The following UNC5C variants were observed in gnomAD, a reference collection of about 807,000 sequenced individuals.
UNC5C encodes the protein unc-5 netrin receptor C, also known as netrin receptor UNC5C.
UNC5C carries 47 observed loss-of-function variants against 99.8 expected under a neutral mutation model. The observed-to-expected ratio is 0.47, with a 90% confidence interval of 0.37 to 0.60. The LOEUF is 0.60. Among genes scored for constraint, UNC5C ranks in the 20% least tolerant of loss-of-function variants. The probability of loss-of-function intolerance (pLI) is 0.00; values close to 1 mark genes in which losing one functional copy is unlikely to be tolerated. For synonymous variants in UNC5C, 487 were observed against 452.2 expected (o/e 1.08, Z -0.98); for missense variants, 1,062 against 1,165.9 (o/e 0.91, Z 1.30).
At chr4:95,330,374 G>C (rs569547663) in intron 2 of UNC5C, among the ~76,000 whole-genome samples, 86 of 151,950 alleles carry the variant, frequency 5.7e-4, no homozygotes, top group Non-Finnish European at 1.8e-4. Flanking sequence ...TTCCATTCAA[G>C]AATATGTCTT....
chr4:95,497,731 A>ATATAAT (rs1721667049), intron 1 of UNC5C, among the ~76,000 whole-genome samples: 1 of 152,040 alleles, frequency 6.6e-6, no homozygotes, highest in East Asian at 1.9e-4. Context: ...TTTTTGAGCA[A>ATATAAT]TATAATTATA....
chr4:95,172,397 A>G (rs1449509818), intron 14 of UNC5C, among the ~76,000 whole-genome samples: 2 of 151,540 alleles, frequency 1.3e-5, no homozygotes, highest in Non-Finnish European at 2.9e-5. Context: ...TCTTTAATCC[A>G]TCTCGAATTG....
At chr4:95,480,298 T>C (rs1721098846) in intron 1 of UNC5C, among the ~76,000 whole-genome samples, 1 of 151,958 alleles carries the variant, frequency 6.6e-6, no homozygotes, top group Non-Finnish European at 1.5e-5. Context: ...TGTGTATATA[T>C]AGATAGCCTA....
At chr4:95,387,033 A>T (rs1309177361) in intron 1 of UNC5C, among the ~76,000 whole-genome samples, 1 of 152,070 alleles carries the variant, frequency 6.6e-6, no homozygotes, top group South Asian at 2.1e-4. Flanking sequence ...AAGAAAAAAT[A>T]TCCATTCTAA....
At chr4:95,393,319 A>C (rs1745413800) in intron 1 of UNC5C, among the ~76,000 whole-genome samples, 1 of 152,166 alleles carries the variant, frequency 6.6e-6, no homozygotes, top group Admixed American at 6.5e-5. Context: ...AGTAATTTGA[A>C]TTTTCCAAGA....
chr4:95,543,119 C>T (rs1319095007), intron 1 of UNC5C, among the ~76,000 whole-genome samples: 1 of 151,992 alleles, frequency 6.6e-6, no homozygotes, highest in East Asian at 1.9e-4. Context: ...TCATGTAGCC[C>T]TCCTCCACAA....
intron 1 of UNC5C, among the ~76,000 whole-genome samples, chr4:95,450,376 C>T (rs931049978): frequency 2.0e-5 from 3 of 152,194 alleles, no homozygotes; most frequent in Non-Finnish European, 4.4e-5. Context: ...CATGCCAGCA[C>T]ACCAGGCTAA....
At chr4:95,261,925 G>T (rs761867215) in intron 4 of UNC5C, among the ~76,000 whole-genome samples, 4 of 152,058 alleles carry the variant, frequency 2.6e-5, no homozygotes, top group Admixed American at 6.6e-5. Context: ...GGATGGTCTC[G>T]ATTGCCTGAC....
intron 1 of UNC5C, among the ~76,000 whole-genome samples, chr4:95,462,045 T>G (rs1747618581): frequency 6.6e-6 from 1 of 152,218 alleles, no homozygotes; most frequent in Non-Finnish European, 1.5e-5. Context: ...CCTTGGGTTT[T>G]TTTTTAGGTG....
rs757235410 is a variant in UNC5C at position 95,220,129 on chromosome 4, C to G, written c.1156G>C (p.Ala386Pro). ...GAGATCGCCAGGCAAACGATCACTG[C>G]TATCACAATCCCAACATAGAGAGCA... ...DVALYVGIVI[A>P]VIVCLAISVV... The change falls in exon 8 of 16, where the codon GCA becomes CCA. Residue 386 changes from alanine to proline, a missense_variant. By Grantham distance (27) the Ala-to-Pro change is conservative (BLOSUM62 -1). Around this residue, in one of 3 missense-constraint regions of UNC5C, gnomAD observed 810 missense variants for 854.5 expected, o/e 0.95. Coordinates refer to ENST00000453304, the MANE Select transcript of UNC5C (RefSeq NM_003728.4). The G allele has an allele frequency of 6.2e-7, 1 of 1,613,974 alleles. No individual in the cohort carries two copies. Among genetic ancestry groups the G allele is most frequent in the Non-Finnish European group, 8.5e-7 (1 of 1,179,998 alleles).
At chr4:95,231,291 G>C (rs142956952) in intron 7 of UNC5C, among the ~76,000 whole-genome samples, 3 of 152,052 alleles carry the variant, frequency 2.0e-5, no homozygotes, top group African/African-American at 7.2e-5. Context: ...CTTAATACCC[G>C]TAAATAGATT....
intron 1 of UNC5C, among the ~76,000 whole-genome samples, chr4:95,430,861 A>G (rs556729394): frequency 6.6e-6 from 1 of 152,172 alleles, no homozygotes; most frequent in African/African-American, 2.4e-5. Flanking sequence ...TCCACAGCTT[A>G]CAGAAGTCCT....
intron 3 of UNC5C, among the ~76,000 whole-genome samples, chr4:95,286,662 T>A (rs532821698): frequency 6.6e-6 from 1 of 152,004 alleles, no homozygotes; most frequent in South Asian, 2.1e-4. Context: ...AGGCATAAGA[T>A]TTTTTTTCTT....
intron 1 of UNC5C, among the ~76,000 whole-genome samples, chr4:95,410,799 C>T (rs565865493): frequency 1.3e-5 from 2 of 152,252 alleles, no homozygotes; most frequent in South Asian, 2.1e-4. Flanking sequence ...CCCAATCAAG[C>T]CCCCACCCTG....
chr4:95,462,495 G>A (rs576690665), intron 1 of UNC5C, among the ~76,000 whole-genome samples: 1 of 152,246 alleles, frequency 6.6e-6, no homozygotes, highest in East Asian at 1.9e-4. Context: ...AGTTAACCCT[G>A]ACTATAAAAA....
intron 1 of UNC5C, among the ~76,000 whole-genome samples, chr4:95,337,541 C>A (rs1296762751): frequency 6.6e-6 from 1 of 151,750 alleles, no homozygotes; most frequent in Non-Finnish European, 1.5e-5. Context: ...CAAATGGAAG[C>A]AAAAAAGTCA....
chr4:95,350,995 A>T (rs574694598), intron 1 of UNC5C, among the ~76,000 whole-genome samples: 9 of 147,398 alleles, frequency 6.1e-5, no homozygotes, highest in Admixed American at 2.8e-4. Flanking sequence ...TCAGAGCAAC[A>T]TCTAGATTAT....
At chr4:95,422,801 T>A (rs1746359398) in intron 1 of UNC5C, among the ~76,000 whole-genome samples, 1 of 152,238 alleles carries the variant, frequency 6.6e-6, no homozygotes, top group African/African-American at 2.4e-5. Context: ...TGGATAATTC[T>A]GCTGCATTTA....
At chr4:95,373,183 T>C (rs185242407) in intron 1 of UNC5C, among the ~76,000 whole-genome samples, 30 of 152,180 alleles carry the variant, frequency 2.0e-4, no homozygotes, top group Admixed American at 3.3e-4. Context: ...ACAGCCAGAG[T>C]GATCTTTTAA....
Sources: gnomAD v4.1 joint callset for allele counts (sites outside exome capture counted in the v4.1 genomes callset) on GRCh38, gnomAD v4.1.1 for gene constraint, gnomAD v4.1.1 regional missense constraint, MANE v1.5 for transcripts, NCBI Gene and HGNC (gene_info 2026-07-23, HGNC 2026-07-21) for gene names.